Variants in NPAS3 observed in about 807,000 individuals in gnomAD.
The protein encoded by NPAS3 is neuronal PAS domain-containing protein 3.
In NPAS3, 14 loss-of-function variants were observed where a neutral mutation model predicts 73.1. That is an observed-to-expected ratio of 0.19 (90% CI 0.13 to 0.30). The LOEUF is 0.30. Among genes scored for constraint, NPAS3 ranks in the 10% least tolerant of loss-of-function variants. NPAS3 has a pLI of 1.00. For missense variants in NPAS3, 1,096 were observed against 1,250.0 expected (o/e 0.88, Z 1.86); for synonymous variants, 620 against 541.5 (o/e 1.14, Z -2.01).
chr14:33,308,619 C>T lies in NPAS3; in HGVS notation c.386-58567C>T, dbSNP rs534569761. Among the ~76,000 whole-genome samples the T allele has an allele frequency of 9.6e-4, 145 of 150,730 alleles. 6 individuals are homozygous for T. The South Asian group carries it at 0.021, about 21-fold the overall frequency. On this transcript the variant is annotated intron_variant, in intron 3 of 11. Coordinates refer to ENST00000356141, the Ensembl canonical transcript of NPAS3. ...CTATCTACACACTTGTGCACACACA[C>T]ACCCCTTCAGGGATATATATTTTAT...
chr14:33,112,168 C>T (rs1394462007), intron 2 of NPAS3, among the ~76,000 whole-genome samples: 2 of 152,138 alleles, frequency 1.3e-5, no homozygotes, highest in Non-Finnish European at 2.9e-5. Flanking sequence ...GATTTATAAT[C>T]CTTTGGGTAT....
intron 5 of NPAS3, among the ~76,000 whole-genome samples, chr14:33,632,227 T>C (rs1260814606): frequency 1.3e-5 from 2 of 152,184 alleles, no homozygotes; most frequent in South Asian, 4.1e-4. Flanking sequence ...ACTTTAGCCA[T>C]ACCTGAGTGG....
At chr14:32,960,880 G>A (rs1037050259) in intron 1 of NPAS3, among the ~76,000 whole-genome samples, 4 of 152,144 alleles carry the variant, frequency 2.6e-5, no homozygotes, top group Admixed American at 2.6e-4. Flanking sequence ...TTGTGTTTGG[G>A]TTAGTTTTGT....
intron 4 of NPAS3, among the ~76,000 whole-genome samples, chr14:33,459,402 GGT>G (rs1408268465): frequency 6.6e-6 from 1 of 152,210 alleles, no homozygotes; most frequent in Non-Finnish European, 1.5e-5. Context: ...ACAAATGTAA[GGT>G]GTTGTTATTG....
intron 3 of NPAS3, among the ~76,000 whole-genome samples, chr14:33,344,473 C>T (rs945441634): frequency 2.0e-5 from 3 of 152,138 alleles, no homozygotes; most frequent in Non-Finnish European, 4.4e-5. Context: ...ATCCAAAAGC[C>T]TGTAATCTCC....
intron 1 of NPAS3, among the ~76,000 whole-genome samples, chr14:32,988,939 C>T (rs1332614175): frequency 6.6e-6 from 1 of 152,158 alleles, no homozygotes; most frequent in African/African-American, 2.4e-5. Context: ...ACCACTATAC[C>T]ACAGCCACTA....
intron 5 of NPAS3, among the ~76,000 whole-genome samples, chr14:33,613,110 G>A (rs1352997562): frequency 6.6e-6 from 1 of 152,168 alleles, no homozygotes; most frequent in African/African-American, 2.4e-5. Context: ...GTTCAAATCA[G>A]TGGGGATTCA....
At chr14:33,082,561 A>T (rs2041893054) in intron 2 of NPAS3, among the ~76,000 whole-genome samples, 1 of 152,186 alleles carries the variant, frequency 6.6e-6, no homozygotes, top group Admixed American at 6.5e-5. Context: ...CGTTTAGAAG[A>T]CTGGAATAAG....
Position 33,464,739 on chromosome 14 carries a change from G to GCT in NPAS3, c.469-95379_469-95378dup, listed in dbSNP as rs541957390. On this transcript the variant is annotated intron_variant, in intron 4 of 11. Coordinates refer to ENST00000356141, the Ensembl canonical transcript of NPAS3. ...ATTGTTCTTTGATTTATGGTCATAG[G>GCT]CTCTGTTTGGCGAGGAGCTGGGAGC... Among the ~76,000 whole-genome samples, 134 of 152,296 alleles carry GCT rather than the reference G, an allele frequency of 8.8e-4. 1 individual carries two copies. The highest frequency in any genetic ancestry group is 2.8e-4 in the Non-Finnish European group (19 of 68,028).
chr14:33,773,116 A>C (rs2062705483), intron 7 of NPAS3, among the ~76,000 whole-genome samples: 1 of 152,206 alleles, frequency 6.6e-6, no homozygotes, highest in South Asian at 2.1e-4. Flanking sequence ...AGGAATTGCC[A>C]GTGGAGCCCC....
At chr14:33,681,202 C>T (rs1050314278) in intron 6 of NPAS3, among the ~76,000 whole-genome samples, 6 of 151,994 alleles carry the variant, frequency 3.9e-5, no homozygotes, top group Admixed American at 2.0e-4. Context: ...ATCTGAGGAT[C>T]GGATCAATAT....
chr14:33,015,656 G>A lies in NPAS3; in HGVS notation c.51-40249G>A, dbSNP rs547194125. Among the ~76,000 whole-genome samples, 8 of 152,238 alleles carry A rather than the reference G, an allele frequency of 5.3e-5. No individual in the cohort carries two copies. In the East Asian group the frequency reaches 9.7e-4, roughly 18 times the overall value. ...TATGTATTATATAGATGCACATGCAGTACTCACACATATATACACACACAG... is the reference window on the plus strand; with the variant it reads ...TATGTATTATATAGATGCACATGCAATACTCACACATATATACACACACAG... On this transcript the variant is annotated intron_variant, in intron 1 of 11. Coordinates refer to ENST00000356141, the Ensembl canonical transcript of NPAS3.
At chr14:33,607,295 A>T (rs1227208166) in intron 5 of NPAS3, among the ~76,000 whole-genome samples, 2 of 152,152 alleles carry the variant, frequency 1.3e-5, no homozygotes, top group African/African-American at 4.8e-5. Flanking sequence ...TGAATGTGGT[A>T]TGTACACAAA....
chr14:33,645,495 T>C (rs1567083830), intron 5 of NPAS3, among the ~76,000 whole-genome samples: 4 of 152,228 alleles, frequency 2.6e-5, no homozygotes, highest in Admixed American at 2.6e-4. Context: ...CTGGTTTGCA[T>C]TGGATTATTT....
chr14:33,762,440 G>A (rs2062323896), intron 7 of NPAS3, among the ~76,000 whole-genome samples: 1 of 152,186 alleles, frequency 6.6e-6, no homozygotes. Flanking sequence ...AATAAAAAGG[G>A]GGAGGGAGGA....
intron 1 of NPAS3, among the ~76,000 whole-genome samples, chr14:33,049,385 C>A (rs192755571): frequency 1.6e-4 from 25 of 152,234 alleles, no homozygotes; most frequent in Non-Finnish European, 3.1e-4. Context: ...TGAGACTGGG[C>A]AATTTACAAA....
intron 5 of NPAS3, among the ~76,000 whole-genome samples, chr14:33,606,632 C>CTA (rs2057576119): frequency 6.6e-6 from 1 of 152,246 alleles, no homozygotes; most frequent in African/African-American, 2.4e-5. Context: ...AAACCTAAAA[C>CTA]TATAAAGCTT....
At chr14:33,518,756 T>C (rs1049719145) in intron 4 of NPAS3, among the ~76,000 whole-genome samples, 14 of 147,576 alleles carry the variant, frequency 9.5e-5, no homozygotes. Flanking sequence ...CCTAACAGAG[T>C]TGGGGGCCTC....
chr14:33,124,649 A>G (rs1418318031), intron 2 of NPAS3, among the ~76,000 whole-genome samples: 4 of 152,168 alleles, frequency 2.6e-5, no homozygotes, highest in Non-Finnish European at 5.9e-5. Context: ...CTCAACAAAA[A>G]TGAAAGCTAT....
Sources: allele counts gnomAD v4.1 joint callset (sites outside exome capture counted in the v4.1 genomes callset), GRCh38; gene constraint gnomAD v4.1.1; transcripts MANE v1.5; gene names NCBI Gene and HGNC (gene_info 2026-07-23, HGNC 2026-07-21).